Variants in DNAH11 observed in about 807,000 individuals in gnomAD.
DNAH11 encodes axonemal beta dynein heavy chain 11.
Under a neutral mutation model 526.0 loss-of-function variants are expected in DNAH11, and 442 were observed. The ratio of observed to expected loss-of-function variants is 0.84; its 90% CI spans 0.78 to 0.91. The LOEUF is 0.91. Ranked by LOEUF, DNAH11 falls within the 40% of genes least tolerant of loss-of-function variation. The pLI, the probability that DNAH11 is intolerant of heterozygous loss-of-function variation, is 0.00. For synonymous variants in DNAH11, 2,461 were observed against 1,935.9 expected, an observed-to-expected ratio of 1.27 and a Z score of -7.12; for missense variants, 6,989 against 5,448.7, an observed-to-expected ratio of 1.28 and a Z score of -8.90.
At chr7:21,751,331 A>G (rs948400997) in intron 54 of DNAH11, among the ~76,000 whole-genome samples, 1 of 152,156 alleles carries the variant, frequency 6.6e-6, no homozygotes. Context: ...CTCAAAAAAC[A>G]AAAGAAGTAA....
Position 21,745,026 on chromosome 7 carries a change from A to G in DNAH11, c.8473A>G (p.Met2825Val), listed in dbSNP as rs376252134. The G allele has an allele frequency of 1.3e-5, 21 of 1,609,762 alleles. No individual in the cohort carries two copies. Among genetic ancestry groups the G allele is most frequent in the Non-Finnish European group, 1.7e-5 (20 of 1,178,080 alleles). ...CAACTACAATGAACTAAATGCTGCC[A>G]TGCACCTAGTTTTGTTTGAAGATGC... Reference protein sequence around the residue: ...LDNYNELNAAMHLVLFEDAMQ... With the variant: ...LDNYNELNAAVHLVLFEDAMQ... The change falls in exon 51 of 82, where the codon ATG (methionine) becomes GTG (valine). Residue 2825 changes from methionine (M) to valine (V), a missense_variant. By Grantham distance (21) the Met-to-Val change is conservative. Transcript: ENST00000409508.
chr7:21,892,786 C>A, intron 77 of DNAH11, 119 bp downstream of exon 77: 1 of 1,149,742 alleles, frequency 8.7e-7, no homozygotes, highest in Non-Finnish European at 1.2e-6. Context: ...CATACAACCA[C>A]CACCTAGATC....
chr7:21,625,471 C>T (rs886608617), intron 25 of DNAH11, among the ~76,000 whole-genome samples: 1 of 152,000 alleles, frequency 6.6e-6, no homozygotes, highest in Non-Finnish European at 1.5e-5. Context: ...TTCCATTGGT[C>T]GTTTTGTTGT....
intron 40 of DNAH11, among the ~76,000 whole-genome samples, chr7:21,708,778 C>T (rs752037229): frequency 4.6e-5 from 7 of 152,190 alleles, no homozygotes; most frequent in African/African-American, 1.4e-4. Context: ...CTTCTGGATG[C>T]CCGCATGACT....
intron 76 of DNAH11, among the ~76,000 whole-genome samples, chr7:21,888,422 C>T (rs1784207922): frequency 6.6e-6 from 1 of 152,140 alleles, no homozygotes; most frequent in Non-Finnish European, 1.5e-5. Context: ...ACATAGTGGG[C>T]TGGATGCTGG....
At chr7:21,636,400 C>G (rs978872656) in intron 26 of DNAH11, among the ~76,000 whole-genome samples, 2 of 152,034 alleles carry the variant, frequency 1.3e-5, no homozygotes, top group Admixed American at 6.5e-5. Flanking sequence ...ACATAGTTAT[C>G]ATGTGTCACA....
intron 2 of DNAH11, among the ~76,000 whole-genome samples, chr7:21,545,967 T>A (rs1375028503): frequency 2.0e-5 from 3 of 152,182 alleles, no homozygotes; most frequent in African/African-American, 7.2e-5. Flanking sequence ...ATTTAGAACG[T>A]CCTGAATGGG....
At chr7:21,743,999 A>G (rs2128491429) in intron 49 of DNAH11, among the ~76,000 whole-genome samples, 1 of 152,260 alleles carries the variant, frequency 6.6e-6, no homozygotes, top group Admixed American at 6.5e-5. Flanking sequence ...TCTACCCATG[A>G]AGTATGAGTC....
intron 54 of DNAH11, among the ~76,000 whole-genome samples, chr7:21,761,176 C>A (rs1562530527): frequency 6.6e-6 from 1 of 152,162 alleles, no homozygotes; most frequent in East Asian, 1.9e-4. Context: ...TCACATGACA[C>A]CACTAGCAAG....
At chr7:21,717,220 ACC>A (rs1278817931) in intron 42 of DNAH11, among the ~76,000 whole-genome samples, 1 of 142,732 alleles carries the variant, frequency 7.0e-6, no homozygotes, top group African/African-American at 2.7e-5. Flanking sequence ...ACACACACAC[ACC>A]CCAGCACCCA....
chr7:21,574,562 T>TC (rs756577367), intron 8 of DNAH11, among the ~76,000 whole-genome samples: 9 of 132,604 alleles, frequency 6.8e-5, no homozygotes, highest in Non-Finnish European at 1.5e-4. Context: ...CTCCCTTCCT[T>TC]CCTTTTTTTT....
intron 55 of DNAH11, 106 bp downstream of exon 55, chr7:21,765,695 T>A (rs1787153469): frequency 7.5e-7 from 1 of 1,324,800 alleles, no homozygotes; most frequent in Non-Finnish European, 1.0e-6. Context: ...CTTTCCACAG[T>A]ACATCTCCTA....
At chr7:21,702,939 T>G in intron 37 of DNAH11, 137 bp downstream of exon 37, 2 of 744,412 alleles carry the variant, frequency 2.7e-6, no homozygotes, top group Non-Finnish European at 4.3e-6. Context: ...GCAGGAAATT[T>G]GAGGATTGGC....
intron 61 of DNAH11, among the ~76,000 whole-genome samples, chr7:21,789,868 T>TTC (rs1788396089): frequency 2.0e-5 from 2 of 100,516 alleles, no homozygotes; most frequent in African/African-American, 7.3e-5. Flanking sequence ...CCTTCCTTCC[T>TTC]TTTCTTTCTT....
At chr7:21,625,425 T>C (rs1786282747) in intron 25 of DNAH11, among the ~76,000 whole-genome samples, 1 of 152,252 alleles carries the variant, frequency 6.6e-6, no homozygotes, top group African/African-American at 2.4e-5. Flanking sequence ...TAAAGGTTTG[T>C]TGATTTTGTT....
Position 21,698,468 on chromosome 7 carries a change from C to T in DNAH11, c.6180+255C>T, listed in dbSNP as rs114017218. Among the ~76,000 whole-genome samples the T allele has an allele frequency of 3.7e-3, 558 of 152,190 alleles. 1 individual carries two copies. Among genetic ancestry groups the T allele is most frequent in the African/African-American group, 0.013 (539 of 41,514 alleles). Reference sequence around the variant, plus strand: ...TGTGTAGTCTTTTATCCCTCACCCACCTCCCACCTTTTCTCCCAAGTCCCT... The same window carrying T: ...TGTGTAGTCTTTTATCCCTCACCCATCTCCCACCTTTTCTCCCAAGTCCCT... On this transcript the variant is annotated intron_variant, in intron 36 of 81. Coordinates refer to ENST00000409508, the MANE Select transcript of DNAH11 (RefSeq NM_001277115.2).
In DNAH11 at chr7:21,744,498, C is replaced by G. The variant is rs761798023; in HGVS notation, c.8215C>G (p.Leu2739Val). The change falls in exon 50 of 82, where the codon CTT becomes GTT. Residue 2739 changes from leucine to valine, a missense_variant. Coordinates refer to ENST00000409508, the MANE Select transcript of DNAH11 (RefSeq NM_001277115.2). ...TCCACTTGATTTAATACATCTGTGG[C>G]TTCATGAATCTGCCCGTGTTTATGG... is the stretch of plus-strand genomic sequence containing the variant. Reference protein sequence around the residue: ...KGPLDLIHLWLHESARVYGDK... With the variant: ...KGPLDLIHLWVHESARVYGDK... 8.1e-6 allele frequency: 13 copies of G among 1,613,772 alleles called. No individual in the cohort carries two copies. In the African/African-American group the frequency reaches 1.1e-4, roughly 13 times the overall value.
intron 10 of DNAH11, 86 bp from the exon 11 acceptor site, chr7:21,588,426 C>G (rs570235064): frequency 1.3e-6 from 2 of 1,531,234 alleles, no homozygotes; most frequent in Admixed American, 3.7e-5. Flanking sequence ...TGTAAAAATA[C>G]CAAAATGAAA....
In DNAH11 at chr7:21,828,388, A is replaced by G. The variant is rs117044481; in HGVS notation, c.10691+10049A>G. ...GCATTCCAGTCTGTTCTAATTTCCA[A>G]ATTCAAAATAAAATTTAATTGCCAC... is the stretch of plus-strand genomic sequence containing the variant. On this transcript the variant is annotated intron_variant, in intron 65 of 81. Transcript: ENST00000409508. Among the ~76,000 whole-genome samples the G allele has an allele frequency of 1.1e-3, 170 of 152,316 alleles. 2 individuals are homozygous for G. The East Asian group carries it at 0.029, about 26-fold the overall frequency.
Sources: gnomAD v4.1 joint callset for allele counts (sites outside exome capture counted in the v4.1 genomes callset) on GRCh38, gnomAD v4.1.1 for gene constraint, MANE v1.5 for transcripts, NCBI Gene and HGNC (gene_info 2026-07-23, HGNC 2026-07-21) for gene names.